The following PCMTD1 variants were observed in gnomAD, a reference collection of about 807,000 sequenced individuals.
The protein encoded by PCMTD1 is protein-L-isoaspartate (D-aspartate) O-methyltransferase domain containing 1.
PCMTD1 carries 12 observed loss-of-function variants against 37.6 expected under a neutral mutation model. The ratio of observed to expected loss-of-function variants is 0.32; its 90% CI spans 0.20 to 0.52. PCMTD1 has a LOEUF of 0.52. Among genes scored for constraint, PCMTD1 ranks in the 20% least tolerant of loss-of-function variants. PCMTD1 has a pLI of 0.97. For synonymous variants in PCMTD1, 117 were observed against 135.8 expected, an observed-to-expected ratio of 0.86 and a Z score of 0.96; for missense variants, 235 against 421.3, an observed-to-expected ratio of 0.56 and a Z score of 3.87.
At chr8:51,846,891 C>T (rs544836688) in intron 2 of PCMTD1, among the ~76,000 whole-genome samples, 19 of 152,250 alleles carry the variant, frequency 1.2e-4, no homozygotes, top group South Asian at 2.1e-4. Context: ...TAATGCCTTC[C>T]CCTACTATAC....
intron 3 of PCMTD1, among the ~76,000 whole-genome samples, chr8:51,835,861 G>T (rs959469211): frequency 2.6e-5 from 4 of 152,126 alleles, no homozygotes. Flanking sequence ...TTAATTAGTA[G>T]TATTTTATAC....
intron 5 of PCMTD1, among the ~76,000 whole-genome samples, chr8:51,825,405 A>G (rs977839503): frequency 1.5e-4 from 10 of 66,330 alleles, no homozygotes; most frequent in East Asian, 1.0e-3. Flanking sequence ...TCAAAATAAG[A>G]TATTTATGGC....
At chr8:51,840,926 C>T (rs1225125528) in intron 3 of PCMTD1, among the ~76,000 whole-genome samples, 3 of 152,146 alleles carry the variant, frequency 2.0e-5, no homozygotes, top group Admixed American at 6.6e-5. Context: ...GCATTAACAG[C>T]ATTCCTTAAT....
chr8:51,827,425 T>C, intron 5 of PCMTD1: 1 of 521,840 alleles, frequency 1.9e-6, no homozygotes, highest in Non-Finnish European at 3.4e-6. Context: ...TGTGAGCTGT[T>C]CTGAGTAGTG....
chr8:51,841,645 C>T (rs2038148418), intron 3 of PCMTD1, among the ~76,000 whole-genome samples: 1 of 147,782 alleles, frequency 6.8e-6, no homozygotes, highest in Non-Finnish European at 1.5e-5. Context: ...CTTCAGGCTC[C>T]TTTAACATAC....
chr8:51,841,152 T>C (rs145290367), intron 3 of PCMTD1, among the ~76,000 whole-genome samples: 2 of 152,270 alleles, frequency 1.3e-5, no homozygotes, highest in Admixed American at 6.5e-5. Context: ...TTTCTAACCC[T>C]CAGTTTTCTC....
rs562740558 is a variant in PCMTD1 at position 51,834,914 on chromosome 8, C to G, written c.411-1225G>C. On this transcript the variant is annotated intron_variant, in intron 3 of 5. Transcript: ENST00000522514. Reference sequence around the variant, plus strand: ...CCCTGTACTATTGTCTTCATGCCCCCACGCTAAGGCAGTCCATGCCCCATT... The same window carrying G: ...CCCTGTACTATTGTCTTCATGCCCCGACGCTAAGGCAGTCCATGCCCCATT... 1.8e-4 allele frequency among the ~76,000 whole-genome samples: 28 copies of G among 152,216 alleles called. No homozygotes were observed. In the South Asian group the frequency reaches 5.8e-3, roughly 32 times the overall value.
chr8:51,860,836 T>A lies in PCMTD1; in HGVS notation c.307+9A>T. The stretch of plus-strand genomic sequence containing the variant: ...TTTTTAAAATAGAATTTTACAAAAA[T>A]AAAATTACCTAAAATTAAGCCCACC... On this transcript the variant is annotated intron_variant, in intron 2 of 5. Coordinates refer to ENST00000522514, the MANE Select transcript of PCMTD1 (RefSeq NM_052937.4). 6.4e-7 allele frequency: 1 copy of A among 1,564,790 alleles called. No homozygotes were observed. Among genetic ancestry groups the A allele is most frequent in the African/African-American group, 1.4e-5 (1 of 72,230 alleles).
chr8:51,850,150 CCTAA>C, intron 2 of PCMTD1: 1 of 698,606 alleles, frequency 1.4e-6, no homozygotes, highest in East Asian at 2.7e-5. Flanking sequence ...CCCAATTCCT[CCTAA>C]CTGTTGTATA....
chr8:51,849,143 T>C (rs1232791871), intron 2 of PCMTD1: 1 of 152,020 alleles, frequency 6.6e-6, no homozygotes, highest in African/African-American at 2.4e-5. Flanking sequence ...GACTAAGAGA[T>C]CTAGGGTGGT....
intron 1 of PCMTD1, among the ~76,000 whole-genome samples, chr8:51,894,684 C>T (rs1320539193): frequency 2.0e-5 from 3 of 151,618 alleles, no homozygotes; most frequent in African/African-American, 7.3e-5. Flanking sequence ...GCAGTATTCA[C>T]AATGAATGAC....
At chr8:51,827,399 T>C (rs754617963) in intron 5 of PCMTD1, 35 of 621,158 alleles carry the variant, frequency 5.6e-5, no homozygotes, top group Non-Finnish European at 7.9e-5. Context: ...AAATAAGCAA[T>C]TCATATGTTT....
chr8:51,891,453 T>A (rs1466567706), intron 1 of PCMTD1, among the ~76,000 whole-genome samples: 1 of 151,444 alleles, frequency 6.6e-6, no homozygotes, highest in Non-Finnish European at 1.5e-5. Context: ...CAGCTACTGG[T>A]GAGGTTGAGG....
rs34284265 is a variant in PCMTD1, at chr8:51,863,027, CT to C, written c.-95-1782del. Among the ~76,000 whole-genome samples, 111 of 147,952 alleles carry C rather than the reference CT, an allele frequency of 7.5e-4. 1 individual carries two copies. Among genetic ancestry groups the C allele is most frequent in the African/African-American group, 2.0e-3 (81 of 39,950 alleles). On this transcript the variant is annotated intron_variant, in intron 1 of 5. Transcript: ENST00000522514. ...TGAGTCCAATTGTAGCATTTCAATA[CT>C]TTTTTTTTTTTTAATAACATGGCCT...
rs568302901 is a variant in PCMTD1, at chr8:51,821,705, G to A, written c.707-987C>T. Among the ~76,000 whole-genome samples the A allele has an allele frequency of 4.0e-5, 6 of 151,356 alleles. No homozygotes were observed. In the South Asian group the frequency reaches 8.3e-4, roughly 21 times the overall value. ...AGGAATACAAGAAAAAAATCAAAAC[G>A]CCAATGATATGATAGAAAGTGGGGT... is the stretch of plus-strand genomic sequence containing the variant. On this transcript the variant is annotated intron_variant, in intron 5 of 5. Transcript: ENST00000522514.
intron 2 of PCMTD1, among the ~76,000 whole-genome samples, chr8:51,848,390 G>A (rs990629690): frequency 5.3e-5 from 8 of 151,906 alleles, no homozygotes; most frequent in African/African-American, 1.7e-4. Context: ...AATTAAAAAG[G>A]TCAATACTGC....
chr8:51,838,008 A>G (rs2038092021), intron 3 of PCMTD1, among the ~76,000 whole-genome samples: 1 of 152,088 alleles, frequency 6.6e-6, no homozygotes, highest in South Asian at 2.1e-4. Flanking sequence ...GCTGGTTCTG[A>G]ACTCCTGAAC....
chr8:51,853,334 A>T (rs779487191), intron 2 of PCMTD1, among the ~76,000 whole-genome samples: 24 of 152,148 alleles, frequency 1.6e-4, no homozygotes, highest in Non-Finnish European at 2.9e-4. Flanking sequence ...CTCTGGCTCT[A>T]ACCTGACGCA....
At chr8:51,855,005 T>C (rs1490179207) in intron 2 of PCMTD1, among the ~76,000 whole-genome samples, 1 of 147,430 alleles carries the variant, frequency 6.8e-6, no homozygotes, top group African/African-American at 2.5e-5. Context: ...AGAAATTCTG[T>C]CTCTACTAAA....
Sources: allele counts gnomAD v4.1 joint callset (sites outside exome capture counted in the v4.1 genomes callset), GRCh38; gene constraint gnomAD v4.1.1; transcripts MANE v1.5; gene names NCBI Gene and HGNC (gene_info 2026-07-23, HGNC 2026-07-21).